The following ACP3 variants were observed in gnomAD, a reference collection of about 807,000 sequenced individuals.
ACP3 encodes acid phosphatase 3.
In ACP3, 38 loss-of-function variants were observed where a neutral mutation model predicts 45.6. The observed-to-expected ratio is 0.83, with a 90% confidence interval of 0.64 to 1.09. ACP3 has a LOEUF of 1.09. ACP3 is among the 50% of genes least tolerant of loss of function. ACP3 has a pLI of 0.00. For missense variants in ACP3, 466 were observed against 463.2 expected (o/e 1.01, Z -0.05); for synonymous variants, 162 against 164.7 (o/e 0.98, Z 0.13).
intron 1 of ACP3, among the ~76,000 whole-genome samples, chr3:132,323,714 G>T (rs896279084): frequency 1.7e-4 from 26 of 152,192 alleles, no homozygotes. Context: ...GGGCCCATGT[G>T]GGTAAGCTGA....
At chr3:132,362,234 A>G (rs1175257922), downstream of ACP3, among the ~76,000 whole-genome samples, 1 of 152,168 alleles carries the variant, frequency 6.6e-6, no homozygotes, top group Admixed American at 6.5e-5. Flanking sequence ...ACTGAACCTC[A>G]GAGGATAACA....
chr3:132,328,179 G>T, intron 1 of ACP3, 88 bp from the exon 2 acceptor site: 1 of 990,512 alleles, frequency 1.0e-6, no homozygotes, highest in Non-Finnish European at 1.5e-6. Context: ...TAAAACCAAT[G>T]AGTTAGAAAA....
In ACP3 at chr3:132,337,415, T is replaced by C. The variant is rs751752552; in HGVS notation, c.457-41T>C. ...GCTGCAGCATATTTAGCAAAGTTTTTCTGACTCATAACAGTTTTATGATTT... is the reference window on the plus strand; with the variant it reads ...GCTGCAGCATATTTAGCAAAGTTTTCCTGACTCATAACAGTTTTATGATTT... On this transcript the variant is annotated intron_variant, in intron 4 of 9. Transcript: ENST00000336375. 3.7e-6 allele frequency: 5 copies of C among 1,341,586 alleles called. No individual in the cohort carries two copies. The South Asian group carries it at 6.2e-5, about 17-fold the overall frequency. The allele number at this position is 1,341,586 out of a possible 1,614,324, so 83.1% of individuals were successfully genotyped here.
chr3:132,349,882 G>A (rs999431861), intron 7 of ACP3, 38 bp from the exon 8 acceptor site: 1 of 1,407,216 alleles, frequency 7.1e-7, no homozygotes, highest in African/African-American at 1.4e-5. Context: ...AGAAGCTTAT[G>A]TTTGGTTCAG....
In ACP3 at chr3:132,349,932, A is replaced by T. The variant is rs751968473; in HGVS notation, c.794A>T (p.Asn265Ile). The stretch of plus-strand genomic sequence containing the variant: ...CATCTTCTTTAAGGTGTCCTGGTCA[A>T]TGAAATCCTCAATCACATGAAGAGA... ...KSRLQGGVLV[N>I]EILNHMKRAT... Residue 265 changes from asparagine to isoleucine, a missense_variant, in exon 8 of 10, where the codon AAT becomes ATT. Coordinates refer to ENST00000336375, the MANE Select transcript of ACP3 (RefSeq NM_001099.5). The T allele has an allele frequency of 1.2e-6, 2 of 1,612,202 alleles. No individual in the cohort carries two copies. Among genetic ancestry groups the T allele is most frequent in the Non-Finnish European group, 1.7e-6 (2 of 1,178,430 alleles).
Position 132,333,039 on chromosome 3 carries a change from T to A in ACP3, c.456+695T>A, listed in dbSNP as rs535647484. Among the ~76,000 whole-genome samples the A allele has an allele frequency of 4.1e-4, 62 of 152,244 alleles. No individual in the cohort carries two copies. In the Middle Eastern group the frequency reaches 0.01, roughly 25 times the overall value. On this transcript the variant is annotated intron_variant, in intron 4 of 9. Coordinates refer to ENST00000336375, the MANE Select transcript of ACP3 (RefSeq NM_001099.5). ...ATCATGATTCTCAGACTTAGCTGCA[T>A]ATTAGGATCACGTGGTTTTTTAAAA...
downstream of ACP3, among the ~76,000 whole-genome samples, chr3:132,359,369 A>G (rs540750696): frequency 2.2e-3 from 341 of 152,200 alleles, 2 homozygotes; most frequent in African/African-American, 6.4e-3. Context: ...AAAGCCGGGC[A>G]TGGTGGCGGG....
rs892028795 is a variant in ACP3, at chr3:132,357,088, T to G, written c.*210T>G. 1 of 1,306,144 alleles carries G rather than the reference T, an allele frequency of 7.7e-7. No homozygotes were observed. Among genetic ancestry groups the G allele is most frequent in the African/African-American group, 1.5e-5 (1 of 66,986 alleles). 80.9% of individuals were successfully genotyped at this position (1,306,144 alleles called of 1,614,324 possible). A position where few individuals can be genotyped will look rare whatever the true frequency, so the allele number is the denominator to read the frequency against. ...CATAAAACTTAGCTAAGTTTTGTTT[T>G]GTTTTTCAGCGTTAATGTAAAGGGG... On this transcript the variant is annotated 3_prime_UTR_variant, in exon 10 of 10. Transcript: ENST00000336375.
rs771138322 is a variant in ACP3 at position 132,317,454 on chromosome 3, A to G, written c.-3A>G. ...ACTCCTGCCAGAAACAGCTCTCCTCAACATGAGAGCTGCACCCCTCCTCCT... is the reference window on the plus strand; with the variant it reads ...ACTCCTGCCAGAAACAGCTCTCCTCGACATGAGAGCTGCACCCCTCCTCCT... On this transcript the variant is annotated 5_prime_UTR_variant, in exon 1 of 10. Transcript: ENST00000336375. The G allele has an allele frequency of 6.2e-7, 1 of 1,611,242 alleles. No individual in the cohort carries two copies.
chr3:132,362,245 T>C (rs1938053989), downstream of ACP3, among the ~76,000 whole-genome samples: 1 of 152,298 alleles, frequency 6.6e-6, no homozygotes, highest in East Asian at 1.9e-4. Context: ...GAGGATAACA[T>C]GCCACAAGTA....
Position 132,332,248 on chromosome 3 carries a change from G to C in ACP3, c.360G>C (p.Leu120=). The change falls in exon 4 of 10, where the codon CTG becomes CTC. Residue 120 remains leucine (L), a synonymous_variant. Coordinates refer to ENST00000336375, the MANE Select transcript of ACP3 (RefSeq NM_001099.5). ...CTTTGATGAGTGCTATGACAAACCT[G>C]GCAGCCCTGTTTCCCCCAGAAGGTG... ...DRTLMSAMTN[L]AALFPPEGVS... 6.2e-7 allele frequency: 1 copy of C among 1,614,078 alleles called. No individual in the cohort carries two copies.
chr3:132,365,713 GCTTATGA>G (rs1938120729), intron 10 of ACP3, among the ~76,000 whole-genome samples: 1 of 152,116 alleles, frequency 6.6e-6, no homozygotes, highest in Admixed American at 6.6e-5. Context: ...AGGCACGGTG[GCTTATGA>G]CTGTAATCCC....
At chr3:132,354,216 C>T (rs1050963160) in intron 9 of ACP3, among the ~76,000 whole-genome samples, 1 of 152,168 alleles carries the variant, frequency 6.6e-6, no homozygotes, top group Non-Finnish European at 1.5e-5. Context: ...GCTTCAGGAG[C>T]AGGCACCATC....
At position 132,352,710 on chromosome 3, in the gene ACP3, AT is replaced by A; in HGVS notation, c.865-9del. On this transcript the variant is annotated splice_polypyrimidine_tract_variant and intron_variant, in intron 8 of 9. Transcript: ENST00000336375. ...TGAACAGGCGATAAAATTGATTTCAATCTCTGTAGCATGACACTACTGTGAG... is the reference window on the plus strand; with the variant it reads ...TGAACAGGCGATAAAATTGATTTCAACTCTGTAGCATGACACTACTGTGAG... 1 of 1,596,770 alleles carries A rather than the reference AT, an allele frequency of 6.3e-7. No homozygotes were observed. Among genetic ancestry groups the A allele is most frequent in the African/African-American group, 1.3e-5 (1 of 74,618 alleles).
chr3:132,337,922 T>G (rs1044478870), intron 5 of ACP3, among the ~76,000 whole-genome samples: 3 of 152,328 alleles, frequency 2.0e-5, no homozygotes, highest in Middle Eastern at 3.4e-3. Context: ...GTCTTTTTTT[T>G]TTGTTTCTAT....
chr3:132,318,709 T>A (rs1304178991), intron 1 of ACP3, among the ~76,000 whole-genome samples: 2 of 151,836 alleles, frequency 1.3e-5, no homozygotes, highest in Non-Finnish European at 2.9e-5. Context: ...AGAAAAAAAA[T>A]ATATAATACT....
chr3:132,325,190 C>G (rs969041469), intron 1 of ACP3, among the ~76,000 whole-genome samples: 19 of 152,180 alleles, frequency 1.2e-4, no homozygotes, highest in Non-Finnish European at 2.4e-4. Flanking sequence ...CAAGGAACAC[C>G]AGCTTCACAT....
intron 2 of ACP3, among the ~76,000 whole-genome samples, chr3:132,329,841 A>G (rs1937366916): frequency 6.6e-6 from 1 of 151,816 alleles, no homozygotes; most frequent in Non-Finnish European, 1.5e-5. Flanking sequence ...AAGGATGACA[A>G]TGGCACTGGT....
rs774762429 is a variant in ACP3, at chr3:132,342,549, C to T, written c.556-3C>T. ...AATTTTTCTTTCTCTGTTTGTGTTT[C>T]AGGATTTTATAGCTACCTTGGGAAA... On this transcript the variant is annotated splice_polypyrimidine_tract_variant and splice_region_variant and intron_variant, in intron 5 of 9. Transcript: ENST00000336375. 1 of 1,598,886 alleles carries T rather than the reference C, an allele frequency of 6.3e-7. No individual in the cohort carries two copies. Among genetic ancestry groups the T allele is most frequent in the East Asian group, 2.2e-5 (1 of 44,742 alleles).
Sources: allele counts gnomAD v4.1 joint callset (sites outside exome capture counted in the v4.1 genomes callset), GRCh38; gene constraint gnomAD v4.1.1; transcripts MANE v1.5; gene names NCBI Gene and HGNC (gene_info 2026-07-23, HGNC 2026-07-21).